EPHX1: variants seen among roughly 807,000 people sequenced by gnomAD.
The protein encoded by EPHX1 is epoxide hydratase.
EPHX1 carries 40 observed loss-of-function variants against 43.2 expected under a neutral mutation model. The ratio of observed to expected loss-of-function variants is 0.93; its 90% CI spans 0.72 to 1.21. The LOEUF is 1.21. EPHX1 is among the 50% of genes most tolerant of loss of function. EPHX1 has a pLI of 0.00. For synonymous variants in EPHX1, 221 were observed against 226.7 expected (o/e 0.98, Z 0.22); for missense variants, 550 against 570.4 (o/e 0.96, Z 0.36).
In EPHX1 at chr1:225,839,028, C is replaced by A. The variant is rs534737620; in HGVS notation, c.592+147C>A. 30 of 1,315,190 alleles carry A rather than the reference C, an allele frequency of 2.3e-5. No individual in the cohort carries two copies. The African/African-American group carries it at 2.5e-4, about 11-fold the overall frequency. The allele number at this position is 1,315,190 out of a possible 1,614,324, so 81.5% of individuals were successfully genotyped here. A position where few individuals can be genotyped will look rare whatever the true frequency, so the allele number is the denominator to read the frequency against. ...AGGGGCCTGAGAGGCCGGCCCCAGA[C>A]ACACCGCCCTCCGGGGCTGGAGATG... On this transcript the variant is annotated intron_variant, in intron 4 of 8. Transcript: ENST00000272167.
chr1:225,825,676 T>G (rs1000747759), intron 1 of EPHX1: 1 of 152,258 alleles, frequency 6.6e-6, no homozygotes, highest in Non-Finnish European at 1.5e-5. Flanking sequence ...AAAATATTGG[T>G]GGAGCTCTTC....
chr1:225,842,908 G>A (rs1480646879), intron 7 of EPHX1, among the ~76,000 whole-genome samples: 3 of 152,198 alleles, frequency 2.0e-5, no homozygotes, highest in African/African-American at 7.2e-5. Context: ...AGCCTTAGAG[G>A]CTGTATCCTC....
intron 7 of EPHX1, among the ~76,000 whole-genome samples, chr1:225,843,148 A>G (rs1417867108): frequency 6.6e-6 from 1 of 152,212 alleles, no homozygotes; most frequent in Non-Finnish European, 1.5e-5. Flanking sequence ...GAACAGTGGG[A>G]GAGCCCAGTA....
At chr1:225,830,933 A>G (rs768071281) in intron 2 of EPHX1, among the ~76,000 whole-genome samples, 25 of 152,254 alleles carry the variant, frequency 1.6e-4, no homozygotes, top group Non-Finnish European at 3.2e-4. Context: ...GAAAAAAATC[A>G]AAAGAAGAAT....
At chr1:225,839,424 T>C in intron 5 of EPHX1, 78 bp downstream of exon 5, 1 of 1,592,488 alleles carries the variant, frequency 6.3e-7, no homozygotes, top group Non-Finnish European at 8.5e-7. Context: ...TGGACCTGTG[T>C]GCAGGGTGGG....
At chr1:225,821,337 C>G (rs1666969687) in intron 1 of EPHX1, among the ~76,000 whole-genome samples, 1 of 151,892 alleles carries the variant, frequency 6.6e-6, no homozygotes, top group Non-Finnish European at 1.5e-5. Flanking sequence ...CTCCGCCTAC[C>G]CAGGTTCAAG....
chr1:225,837,802 G>A (rs1030830036), intron 3 of EPHX1, among the ~76,000 whole-genome samples: 2 of 152,122 alleles, frequency 1.3e-5, no homozygotes, highest in Non-Finnish European at 2.9e-5. Context: ...TTACAGGCGT[G>A]AGCCACCACA....
chr1:225,844,827 G>A (rs540678935), intron 8 of EPHX1, among the ~76,000 whole-genome samples: 5 of 152,276 alleles, frequency 3.3e-5, no homozygotes, highest in Admixed American at 1.3e-4. Context: ...GCTCCCGGGC[G>A]GCCCTCAGTA....
At chr1:225,843,630 T>C (rs1184533086) in intron 7 of EPHX1, among the ~76,000 whole-genome samples, 1 of 152,154 alleles carries the variant, frequency 6.6e-6, no homozygotes, top group Non-Finnish European at 1.5e-5. Context: ...CTCCTGCAGC[T>C]CTGGCCCCGG....
rs982953533 is a variant in EPHX1 at position 225,817,395 on chromosome 1, G to C, written c.-6+7226G>C. ...GCTCCCAGGCTCCCATCCTGCGTCC[G>C]CTTGGCAGGCAGGCCAGGAATGGGA... On this transcript the variant is annotated intron_variant, in intron 1 of 8. Transcript: ENST00000272167. This position sits in a 1 kb window ranked among gnomAD's most constrained non-coding sequence, Gnocchi z 5.7. Among the ~76,000 whole-genome samples, 5 of 152,312 alleles carry C rather than the reference G, an allele frequency of 3.3e-5. No homozygotes were observed. Among genetic ancestry groups the C allele is most frequent in the African/African-American group, 1.2e-4 (5 of 41,580 alleles).
chr1:225,813,279 G>A (rs1007393232), intron 1 of EPHX1, among the ~76,000 whole-genome samples: 1 of 152,202 alleles, frequency 6.6e-6, no homozygotes, highest in Non-Finnish European at 1.5e-5. Context: ...CTGAGTCAAG[G>A]CAGGAGGGTC....
chr1:225,830,215 G>A (rs1667502727), intron 2 of EPHX1, among the ~76,000 whole-genome samples: 1 of 152,210 alleles, frequency 6.6e-6, no homozygotes, highest in Admixed American at 6.5e-5. Context: ...TCCCTGGGTA[G>A]GACTTGCTTG....
rs527435822 is a variant in EPHX1, at chr1:225,839,264, C to T, written c.640C>T (p.Arg214Trp). 7.6e-5 allele frequency: 123 copies of T among 1,614,072 alleles called. 1 individual carries two copies. In the South Asian group the frequency reaches 1.2e-3, roughly 15 times the overall value. ...CAGGATCTTTTACAAGCTGATGCTG[C>T]GGCTGGGCTTCCAGGAATTCTACAT... ...TARIFYKLML[R>W]LGFQEFYIQG... Residue 214 changes from arginine (R) to tryptophan (W), a missense_variant, in exon 5 of 9, where the codon CGG (arginine) becomes TGG (tryptophan). Physicochemically the swap from Arg to Trp is moderately radical, Grantham distance 101 (BLOSUM62 -3). Coordinates refer to ENST00000272167, the MANE Select transcript of EPHX1 (RefSeq NM_001136018.4).
At chr1:225,812,109 G>A (rs1487438827) in intron 1 of EPHX1, among the ~76,000 whole-genome samples, 1 of 152,112 alleles carries the variant, frequency 6.6e-6, no homozygotes, top group East Asian at 1.9e-4. Flanking sequence ...GCAGGAGTGT[G>A]CCCAGCTTGA....
intron 1 of EPHX1, among the ~76,000 whole-genome samples, chr1:225,821,186 CTT>C (rs1398260233): frequency 1.3e-5 from 2 of 151,998 alleles, no homozygotes; most frequent in East Asian, 1.9e-4. Context: ...AAAAAGCAAA[CTT>C]TTATTTTTAC....
Position 225,845,351 on chromosome 1 carries a change from A to G in EPHX1, c.*4A>G, listed in dbSNP as rs767169231. The stretch of plus-strand genomic sequence containing the variant: ...GTCGGTGCTGGAGCGGCAATGACCC[A>G]CCCCTCTCCCCCCGCCTGCCACCTC... On this transcript the variant is annotated 3_prime_UTR_variant, in exon 9 of 9. Transcript: ENST00000272167. The G allele has an allele frequency of 8.0e-6, 12 of 1,497,952 alleles. No individual in the cohort carries two copies. In the African/African-American group the frequency reaches 8.9e-5, roughly 11 times the overall value. The allele number at this position is 1,497,952 out of a possible 1,614,324, so 92.8% of individuals were successfully genotyped here.
chr1:225,838,084 T>C (rs1668067238), intron 3 of EPHX1, among the ~76,000 whole-genome samples: 1 of 152,236 alleles, frequency 6.6e-6, no homozygotes, highest in Non-Finnish European at 1.5e-5. Context: ...TGACTTTTTA[T>C]AAAAACTGGG....
rs577513132 is a variant in EPHX1 at position 225,845,093 on chromosome 1, C to A, written c.1167-53C>A. The stretch of plus-strand genomic sequence containing the variant: ...CGCTTTAACCCCCTGCTGTGCAGGA[C>A]GGAGGGGCGCAGGGCCACAGCCTCA... On this transcript the variant is annotated intron_variant, in intron 8 of 8. Transcript: ENST00000272167. 25 of 1,592,884 alleles carry A rather than the reference C, an allele frequency of 1.6e-5. No homozygotes were observed. The South Asian group carries it at 2.0e-4, about 13-fold the overall frequency.
At chr1:225,824,038 C>T (rs1372100885) in intron 1 of EPHX1, among the ~76,000 whole-genome samples, 1 of 152,134 alleles carries the variant, frequency 6.6e-6, no homozygotes, top group South Asian at 2.1e-4. Flanking sequence ...GGGCGGTGGG[C>T]ATCTGCAATT....
Sources: gnomAD v4.1 joint callset for allele counts (sites outside exome capture counted in the v4.1 genomes callset) on GRCh38, gnomAD v4.1.1 for gene constraint, Gnocchi (gnomAD v3.1) non-coding constraint, MANE v1.5 for transcripts, NCBI Gene and HGNC (gene_info 2026-07-23, HGNC 2026-07-21) for gene names.